Variants in ZNF608 observed in about 807,000 individuals in gnomAD.
ZNF608 encodes renal carcinoma antigen NY-REN-36.
Under a neutral mutation model 109.0 loss-of-function variants are expected in ZNF608, and 12 were observed. The observed-to-expected ratio is 0.11, with a 90% confidence interval of 0.07 to 0.18. ZNF608 has a LOEUF of 0.18. ZNF608 is among the 10% of genes least tolerant of loss of function. The probability of loss-of-function intolerance (pLI) is 1.00; values close to 1 mark genes in which losing one functional copy is unlikely to be tolerated. For missense variants in ZNF608, 1,707 were observed against 1,879.3 expected, an observed-to-expected ratio of 0.91 and a Z score of 1.70; for synonymous variants, 732 against 717.4, an observed-to-expected ratio of 1.02 and a Z score of -0.33.
intron 2 of ZNF608, among the ~76,000 whole-genome samples, chr5:124,713,360 A>T (rs528761025): frequency 1.3e-5 from 2 of 152,326 alleles, no homozygotes; most frequent in East Asian, 3.9e-4. Flanking sequence ...CACGGTCCAA[A>T]TCTGGCCCAC....
intron 3 of ZNF608, among the ~76,000 whole-genome samples, chr5:124,651,340 G>T (rs1264204649): frequency 6.6e-6 from 1 of 152,190 alleles, no homozygotes; most frequent in Non-Finnish European, 1.5e-5. Context: ...GGGAGAGGAG[G>T]CAAAGGGGAA....
At chr5:124,641,187 G>C in intron 8 of ZNF608, 65 bp downstream of exon 8, 1 of 1,599,020 alleles carries the variant, frequency 6.3e-7, no homozygotes, top group African/African-American at 1.3e-5. Flanking sequence ...GATGTGAAAT[G>C]CAATTTTAGC....
chr5:124,693,707 C>T (rs923174240), intron 3 of ZNF608, among the ~76,000 whole-genome samples: 23 of 152,230 alleles, frequency 1.5e-4, no homozygotes, highest in East Asian at 1.2e-3. Flanking sequence ...GTTAAAGTGA[C>T]GGTCTATGTT....
chr5:124,638,381 C>CT lies in ZNF608; in HGVS notation c.4533-476dup, dbSNP rs1418706053. 2.0e-5 allele frequency among the ~76,000 whole-genome samples: 3 copies of CT among 152,230 alleles called. No homozygotes were observed. The East Asian group carries it at 5.8e-4, about 29-fold the overall frequency. Reference sequence around the variant, plus strand: ...CAGCAATTCTCATGCCTCAGCCTCCCTAGTAGCTGGAATTACAGACGCACA... The same window carrying CT: ...CAGCAATTCTCATGCCTCAGCCTCCCTTAGTAGCTGGAATTACAGACGCACA... On this transcript the variant is annotated intron_variant, in intron 9 of 9. Coordinates refer to ENST00000513986, the MANE Select transcript of ZNF608 (RefSeq NM_020747.3).
At chr5:124,745,305 AG>A in intron 1 of ZNF608, 133 bp from the exon 2 acceptor site, 1 of 689,080 alleles carries the variant, frequency 1.5e-6, no homozygotes, top group Non-Finnish European at 1.9e-6. Flanking sequence ...TTGTCCTCAC[AG>A]TCCAATATCA....
At chr5:124,642,831 T>C (rs1318511082) in intron 7 of ZNF608, among the ~76,000 whole-genome samples, 2 of 151,516 alleles carry the variant, frequency 1.3e-5, no homozygotes, top group African/African-American at 4.8e-5. Context: ...TCTGAGTAAC[T>C]TGGATTACAG....
intron 2 of ZNF608, among the ~76,000 whole-genome samples, chr5:124,705,795 G>A (rs1753234889): frequency 6.6e-6 from 1 of 152,142 alleles, no homozygotes; most frequent in Non-Finnish European, 1.5e-5. Context: ...TCACCATGAA[G>A]GCCCTGATGA....
intron 2 of ZNF608, among the ~76,000 whole-genome samples, chr5:124,741,824 G>A (rs1437083537): frequency 6.6e-6 from 1 of 152,188 alleles, no homozygotes; most frequent in African/African-American, 2.4e-5. Context: ...AGGGTGAAGT[G>A]GGGGTGGGGA....
In ZNF608 at chr5:124,745,240, A is replaced by G. The variant is rs1050516298; in HGVS notation, c.-183-68T>C. The G allele has an allele frequency of 6.8e-6, 9 of 1,319,958 alleles. No homozygotes were observed. In the African/African-American group the frequency reaches 1.3e-4, roughly 20 times the overall value. 81.8% of individuals were successfully genotyped at this position (1,319,958 alleles called of 1,614,324 possible). A position where few individuals can be genotyped will look rare whatever the true frequency, so the allele number is the denominator to read the frequency against. On this transcript the variant is annotated intron_variant, in intron 1 of 9. Coordinates refer to ENST00000513986, the MANE Select transcript of ZNF608 (RefSeq NM_020747.3). ...GTTACCAGAATAAAAAACGATTAGT[A>G]TTGGGGAATCAGTAAAGGGGACAGG...
Position 124,719,881 on chromosome 5 carries a change from A to G in ZNF608, c.907-18612T>C, listed in dbSNP as rs868182410. On this transcript the variant is annotated intron_variant, in intron 2 of 9. Transcript: ENST00000513986. ...AGGGCAAGAGCTGTGCTTCTTCTTC[A>G]TTACAATGCATACTCAATAAACATT... 3.3e-5 allele frequency among the ~76,000 whole-genome samples: 5 copies of G among 152,328 alleles called. 1 individual carries two copies. In the South Asian group the frequency reaches 8.3e-4, roughly 25 times the overall value.
In ZNF608 at chr5:124,716,142, CAAAAAAA is replaced by C. The variant is rs1232356378; in HGVS notation, c.907-14880_907-14874del. On this transcript the variant is annotated intron_variant, in intron 2 of 9. Coordinates refer to ENST00000513986, the MANE Select transcript of ZNF608 (RefSeq NM_020747.3). ...TGGGCGACAGAGCGAGAATCCGTCT[CAAAAAAA>C]AAAAAAAAAAAAAAGAAAAGAAAGA... 2.5e-3 allele frequency among the ~76,000 whole-genome samples: 184 copies of C among 73,962 alleles called. 1 individual carries two copies. Among genetic ancestry groups the C allele is most frequent in the Non-Finnish European group, 4.2e-3 (150 of 36,050 alleles). The allele number at this position is 73,962 out of a possible 152,430, so 48.5% of individuals were successfully genotyped here.
intron 3 of ZNF608, among the ~76,000 whole-genome samples, chr5:124,654,270 C>T (rs768431167): frequency 1.3e-5 from 2 of 152,098 alleles, no homozygotes; most frequent in Admixed American, 6.5e-5. Context: ...AATCCTCCCC[C>T]GTCAGCCTCC....
At chr5:124,748,086 T>A (rs1749704614), upstream of ZNF608, among the ~76,000 whole-genome samples, 1 of 152,134 alleles carries the variant, frequency 6.6e-6, no homozygotes, top group Admixed American at 6.5e-5. Flanking sequence ...GAGTGACTAT[T>A]CCCTTGTTTA....
intron 2 of ZNF608, among the ~76,000 whole-genome samples, chr5:124,734,461 T>A (rs550616655): frequency 6.6e-6 from 1 of 152,164 alleles, no homozygotes; most frequent in Non-Finnish European, 1.5e-5. Context: ...ATGATCACCC[T>A]CTATACAGAA....
In ZNF608 at chr5:124,701,198, G is replaced by C; in HGVS notation, c.978C>G (p.Pro326=). 2.5e-6 allele frequency: 4 copies of C among 1,614,146 alleles called. No individual in the cohort carries two copies. Among genetic ancestry groups the C allele is most frequent in the Non-Finnish European group, 3.4e-6 (4 of 1,180,024 alleles). Residue 326 remains proline, a synonymous_variant, in exon 3 of 10, where the codon CCC becomes CCG. Transcript: ENST00000513986. ...ISSSLTPQIL[P]SYFSPSSSNI... ...TGGATGAAGATGGGGAAAAGTAGGA[G>C]GGTAGAATCTGAGGCGTGAGACTGC...
At chr5:124,694,815 G>A (rs1229832686) in intron 3 of ZNF608, among the ~76,000 whole-genome samples, 1 of 149,288 alleles carries the variant, frequency 6.7e-6, no homozygotes, top group Non-Finnish European at 1.5e-5. Flanking sequence ...GTGAGAACAT[G>A]CGGTGTTTGG....
At chr5:124,639,283 G>T in intron 8 of ZNF608, 69 bp from the exon 9 acceptor site, 1 of 1,377,254 alleles carries the variant, frequency 7.3e-7, no homozygotes, top group South Asian at 1.2e-5. Context: ...GCCCAGTGGA[G>T]AAGGGCCGCA....
chr5:124,642,679 G>A (rs956103850), intron 7 of ZNF608, among the ~76,000 whole-genome samples: 1 of 145,368 alleles, frequency 6.9e-6, no homozygotes, highest in Non-Finnish European at 1.5e-5. Flanking sequence ...TTTTGAACCA[G>A]ATTTTCTATT....
chr5:124,649,731 T>C, intron 3 of ZNF608, 34 bp from the exon 4 acceptor site: 1 of 1,295,696 alleles, frequency 7.7e-7, no homozygotes, highest in Non-Finnish European at 1.1e-6. Flanking sequence ...AGGATCATAG[T>C]TACCACTGAT....
Sources: allele counts gnomAD v4.1 joint callset (sites outside exome capture counted in the v4.1 genomes callset), GRCh38; gene constraint gnomAD v4.1.1; transcripts MANE v1.5; gene names NCBI Gene and HGNC (gene_info 2026-07-23, HGNC 2026-07-21).